The following BABAM2 variants were observed in gnomAD, a reference collection of about 807,000 sequenced individuals.
The protein encoded by BABAM2 is BRISC and BRCA1 A complex member 2.
BABAM2 carries 31 observed loss-of-function variants against 54.7 expected under a neutral mutation model. The ratio of observed to expected loss-of-function variants is 0.57; its 90% confidence interval spans 0.43 to 0.77. The LOEUF is 0.77. Among genes scored for constraint, BABAM2 ranks in the 30% least tolerant of loss-of-function variants. BABAM2 has a pLI of 0.00. For missense variants in BABAM2, 364 were observed against 455.8 expected (o/e 0.80, Z 1.83); for synonymous variants, 167 against 162.9 (o/e 1.03, Z -0.19).
intron 7 of BABAM2, among the ~76,000 whole-genome samples, chr2:28,203,390 T>C (rs1367911610): frequency 6.6e-6 from 1 of 152,186 alleles, no homozygotes; most frequent in Non-Finnish European, 1.5e-5. Context: ...GAGTACCAAA[T>C]AATTCCTGCA....
chr2:27,982,699 C>G (rs1185626932), intron 3 of BABAM2, among the ~76,000 whole-genome samples: 3 of 151,294 alleles, frequency 2.0e-5, no homozygotes, highest in African/African-American at 4.9e-5. Flanking sequence ...ATGAAACACA[C>G]TACTTCAGGT....
upstream of BABAM2, chr2:27,890,598 G>T: frequency 4.3e-6 from 2 of 463,162 alleles, no homozygotes; most frequent in Non-Finnish European, 3.9e-6. This position sits in a 1 kb window ranked among gnomAD's most constrained non-coding sequence, Gnocchi z 4.8. Context: ...GTCACTCACG[G>T]GGCAGGCGCT....
chr2:28,042,448 C>T (rs747333391), intron 5 of BABAM2, among the ~76,000 whole-genome samples: 4 of 152,142 alleles, frequency 2.6e-5, no homozygotes, highest in African/African-American at 9.7e-5. Flanking sequence ...AGTAGAGAAA[C>T]TGGGACTCTG....
chr2:28,049,898 A>C (rs1439356081), intron 6 of BABAM2, among the ~76,000 whole-genome samples: 1 of 152,228 alleles, frequency 6.6e-6, no homozygotes, highest in Non-Finnish European at 1.5e-5. Context: ...CAGCCTCCTC[A>C]GCCTGACATT....
At chr2:28,287,389 T>G (rs540052886) in intron 10 of BABAM2, among the ~76,000 whole-genome samples, 6 of 152,322 alleles carry the variant, frequency 3.9e-5, no homozygotes, top group Middle Eastern at 6.8e-3. Flanking sequence ...TTTATGGTGT[T>G]CTCTCTTGCT....
intron 7 of BABAM2, among the ~76,000 whole-genome samples, chr2:28,229,748 G>A (rs1473133092): frequency 6.6e-6 from 1 of 151,848 alleles, no homozygotes; most frequent in African/African-American, 2.4e-5. Context: ...CCACACACCT[G>A]GCTAGTTTTT....
At chr2:28,026,876 A>ATATATATAAATATATATATT (rs1558667360) in intron 5 of BABAM2, among the ~76,000 whole-genome samples, 1 of 56,172 alleles carries the variant, frequency 1.8e-5, no homozygotes, top group Non-Finnish European at 3.1e-5. Flanking sequence ...ATATATATTT[A>ATATATATAAATATATATATT]TATATATATA....
chr2:27,892,335 G>A (rs1664926716), intron 1 of BABAM2: 1 of 152,164 alleles, frequency 6.6e-6, no homozygotes, highest in African/African-American at 2.4e-5. Context: ...CCTGATAATG[G>A]GTAGATAGGT....
At chr2:28,052,541 G>GCAAATAA (rs1678079052) in intron 6 of BABAM2, among the ~76,000 whole-genome samples, 8 of 152,042 alleles carry the variant, frequency 5.3e-5, no homozygotes, top group Non-Finnish European at 8.8e-5. Flanking sequence ...GCCTGCCTGG[G>GCAAATAA]TCTCCCAAAG....
chr2:28,037,195 T>G (rs1676729208), intron 5 of BABAM2, among the ~76,000 whole-genome samples: 1 of 152,210 alleles, frequency 6.6e-6, no homozygotes, highest in African/African-American at 2.4e-5. Flanking sequence ...CATACCACTT[T>G]CCTCCTGTCC....
rs762696582 is a variant in BABAM2 at position 28,298,586 on chromosome 2, C to T, written c.1088+95C>T. On this transcript the variant is annotated intron_variant, in intron 11 of 11. Transcript: ENST00000379624. ...TACTGCTTGCAGGTTAGTTCCTGCC[C>T]TGTGCATGTTTTTGTAAATAAAGTT... 3.4e-5 allele frequency: 49 copies of T among 1,425,490 alleles called. 1 individual carries two copies. Among genetic ancestry groups the T allele is most frequent in the Non-Finnish European group, 4.4e-5 (46 of 1,042,500 alleles). The allele number at this position is 1,425,490 out of a possible 1,614,324, so 88.3% of individuals were successfully genotyped here. A position where few individuals can be genotyped will look rare whatever the true frequency, so the allele number is the denominator to read the frequency against.
At chr2:28,112,156 TCCC>T (rs1558346905) in intron 6 of BABAM2, among the ~76,000 whole-genome samples, 816 of 11,382 alleles carry the variant, frequency 0.072, 241 homozygotes, top group East Asian at 0.32. Context: ...TTTACCTCCC[TCCC>T]TCCCTCCCTC....
intron 6 of BABAM2, among the ~76,000 whole-genome samples, chr2:28,063,897 C>T (rs1005384471): frequency 1.3e-5 from 2 of 152,100 alleles, no homozygotes; most frequent in Admixed American, 6.5e-5. Context: ...GAAACCTAAG[C>T]TCAGAGAAGT....
rs1020714787 is a variant in BABAM2 at position 27,973,835 on chromosome 2, A to T, written c.206-14158A>T. 3.9e-5 allele frequency among the ~76,000 whole-genome samples: 6 copies of T among 152,212 alleles called. No homozygotes were observed. In the East Asian group the frequency reaches 7.7e-4, roughly 20 times the overall value. ...GGGTGGTGCGTACTTTGGGAAAACCAGAGTAACATTTAAAGGCTTTGAAAA... is the reference window on the plus strand; with the variant it reads ...GGGTGGTGCGTACTTTGGGAAAACCTGAGTAACATTTAAAGGCTTTGAAAA... On this transcript the variant is annotated intron_variant, in intron 3 of 11. Transcript: ENST00000379624.
chr2:27,952,327 A>G (rs1365279059), intron 3 of BABAM2, among the ~76,000 whole-genome samples: 2 of 152,236 alleles, frequency 1.3e-5, no homozygotes, highest in Admixed American at 6.5e-5. Flanking sequence ...ATGAGTCTAC[A>G]TAGTGTCAAG....
Position 28,076,477 on chromosome 2 carries a change from TTTATTTAG to T in BABAM2, c.570+30682_570+30689del, listed in dbSNP as rs1209832477. On this transcript the variant is annotated intron_variant, in intron 6 of 11. Coordinates refer to ENST00000379624, the MANE Select transcript of BABAM2 (RefSeq NM_199191.3). ...TATTTTATATTTATTTATTTATTTATTTATTTAGTTAGTTAGTTAGTTAGTTAGTTATT... is the reference window on the plus strand; with the variant it reads ...TATTTTATATTTATTTATTTATTTATTTAGTTAGTTAGTTAGTTAGTTATT... Among the ~76,000 whole-genome samples, 120 of 148,298 alleles carry T rather than the reference TTTATTTAG, an allele frequency of 8.1e-4. 2 individuals carry two copies. The highest frequency in any genetic ancestry group is 2.9e-3 in the African/African-American group (115 of 39,602).
intron 11 of BABAM2, among the ~76,000 whole-genome samples, chr2:28,316,766 C>T (rs544189495): frequency 6.6e-6 from 1 of 152,294 alleles, no homozygotes; most frequent in Admixed American, 6.5e-5. Flanking sequence ...TTGACACAGC[C>T]ACCCACACGT....
At chr2:28,177,522 T>C (rs1353654765) in intron 7 of BABAM2, among the ~76,000 whole-genome samples, 1 of 151,120 alleles carries the variant, frequency 6.6e-6, no homozygotes, top group East Asian at 1.9e-4. Context: ...ACTCAAGTGT[T>C]ACCACTACAG....
chr2:28,107,263 A>C (rs1187141795), intron 6 of BABAM2, among the ~76,000 whole-genome samples: 2 of 152,142 alleles, frequency 1.3e-5, no homozygotes, highest in Non-Finnish European at 2.9e-5. Context: ...TCCACCATGC[A>C]TTCAACCCTT....
Sources: gnomAD v4.1 joint callset for allele counts (sites outside exome capture counted in the v4.1 genomes callset) on GRCh38, gnomAD v4.1.1 for gene constraint, Gnocchi (gnomAD v3.1) non-coding constraint, MANE v1.5 for transcripts, NCBI Gene and HGNC (gene_info 2026-07-23, HGNC 2026-07-21) for gene names.